PICK1: variants seen among roughly 807,000 people sequenced by gnomAD.
PICK1 encodes PRKCA-binding protein.
PICK1 carries 23 observed loss-of-function variants against 48.9 expected under a neutral mutation model. The observed-to-expected ratio is 0.47, with a 90% confidence interval of 0.34 to 0.67. PICK1 has a LOEUF of 0.67. Ranked by LOEUF, PICK1 falls within the 30% of genes least tolerant of loss-of-function variation. The pLI is 0.01. For synonymous variants in PICK1, 217 were observed against 228.2 expected (o/e 0.95, Z 0.44); for missense variants, 423 against 557.1 (o/e 0.76, Z 2.42).
chr22:38,065,932 C>T (rs1357904059), intron 4 of PICK1, among the ~76,000 whole-genome samples: 1 of 152,136 alleles, frequency 6.6e-6, no homozygotes, highest in Non-Finnish European at 1.5e-5. Flanking sequence ...CTCCCTCAGC[C>T]CCACTTCCAT....
intron 3 of PICK1, among the ~76,000 whole-genome samples, chr22:38,060,152 A>C (rs1391701623): frequency 4.6e-5 from 7 of 152,244 alleles, no homozygotes; most frequent in Non-Finnish European, 8.8e-5. Flanking sequence ...TAGAGGTTGC[A>C]GTGAGCTGAG....
At chr22:38,063,528 AAG>A (rs2085456362) in intron 3 of PICK1, among the ~76,000 whole-genome samples, 1 of 152,168 alleles carries the variant, frequency 6.6e-6, no homozygotes, top group Non-Finnish European at 1.5e-5. Context: ...AAAAAGAAAA[AAG>A]AGTTTTAGGA....
intron 9 of PICK1, 76 bp downstream of exon 9, chr22:38,072,686 T>C (rs2085731140): frequency 5.7e-6 from 9 of 1,575,214 alleles, no homozygotes; most frequent in Middle Eastern, 1.7e-4. Flanking sequence ...GAGAAGGTCG[T>C]ATGCTGGAGT....
At position 38,057,480 on chromosome 22, in the gene PICK1, A is replaced by G; in HGVS notation, c.-165A>G. ...CTGGCCGGGACCCGGCTGTGGGACC[A>G]ACGCTTCCGGTGAGCGACAGAGGCA... On this transcript the variant is annotated 5_prime_UTR_variant, in exon 1 of 13. Coordinates refer to ENST00000356976, the MANE Select transcript of PICK1 (RefSeq NM_012407.4). 2.6e-6 allele frequency: 1 copy of G among 389,918 alleles called. No individual in the cohort carries two copies. Among genetic ancestry groups the G allele is most frequent in the South Asian group, 3.6e-5 (1 of 27,824 alleles). The allele number at this position is 389,918 out of a possible 1,614,324, so 24.2% of individuals were successfully genotyped here. A position where few individuals can be genotyped will look rare whatever the true frequency, so the allele number is the denominator to read the frequency against.
intron 1 of PICK1, 72 bp downstream of exon 1, chr22:38,057,659 G>C: frequency 3.3e-6 from 2 of 604,254 alleles, no homozygotes; most frequent in Non-Finnish European, 2.9e-6. Context: ...GGAGGGCACT[G>C]CTGTCCCGTA....
In PICK1 at chr22:38,057,563, G is replaced by T; in HGVS notation, c.-82G>T. Reference sequence around the variant, plus strand: ...CTCTGGGATCTGAGCCTATCGCCCTGGCCTGGAGCCCCCCTTTGTACCTAG... The same window carrying T: ...CTCTGGGATCTGAGCCTATCGCCCTTGCCTGGAGCCCCCCTTTGTACCTAG... On this transcript the variant is annotated 5_prime_UTR_variant, in exon 1 of 13. Coordinates refer to ENST00000356976, the MANE Select transcript of PICK1 (RefSeq NM_012407.4). 1.8e-6 allele frequency: 1 copy of T among 570,020 alleles called. No homozygotes were observed. The allele number at this position is 570,020 out of a possible 1,614,324, so 35.3% of individuals were successfully genotyped here.
At chr22:38,069,883 C>T (rs1406788627) in intron 6 of PICK1, among the ~76,000 whole-genome samples, 1 of 152,198 alleles carries the variant, frequency 6.6e-6, no homozygotes, top group Non-Finnish European at 1.5e-5. Flanking sequence ...GTTTTTCCCC[C>T]CAAACCTTGC....
In PICK1 at chr22:38,074,766, G is replaced by A; in HGVS notation, c.980-98G>A. 6.7e-7 allele frequency: 1 copy of A among 1,492,524 alleles called. No homozygotes were observed. The highest frequency in any genetic ancestry group is 9.1e-7 in the Non-Finnish European group (1 of 1,094,236). 92.5% of individuals were successfully genotyped at this position (1,492,524 alleles called of 1,614,324 possible). ...GGGAAGTGCCCGAGTGGGAAGCCCA[G>A]GGGAGGCGAGAGGTGGGCCGGGTGG... is the stretch of plus-strand genomic sequence containing the variant. On this transcript the variant is annotated intron_variant, in intron 12 of 12. Transcript: ENST00000356976. This position sits in a 1 kb window ranked among gnomAD's most constrained non-coding sequence, Gnocchi z 4.5.
In PICK1 at chr22:38,073,862, C is replaced by A. The variant is rs373257597; in HGVS notation, c.834+39C>A. On this transcript the variant is annotated intron_variant, in intron 11 of 12. Transcript: ENST00000356976. This position sits in a 1 kb window ranked among gnomAD's most constrained non-coding sequence, Gnocchi z 5.7. ...GGGGTGGGGGGCTTGTACTTCCCCC[C>A]ACCTGGTCTGCCAGGGATAGCAGGT... The A allele has an allele frequency of 1.6e-5, 25 of 1,599,904 alleles. No individual in the cohort carries two copies. The highest frequency in any genetic ancestry group is 6.7e-5 in the African/African-American group (5 of 74,642).
intron 4 of PICK1, among the ~76,000 whole-genome samples, chr22:38,067,041 G>T (rs899188728): frequency 6.6e-6 from 1 of 152,222 alleles, no homozygotes; most frequent in African/African-American, 2.4e-5. Context: ...GTGTTTTGGG[G>T]TGGAGGAGGG....
chr22:38,071,522 C>A (rs1402452196), intron 7 of PICK1, among the ~76,000 whole-genome samples, 160 bp from the exon 8 acceptor site: 1 of 152,200 alleles, frequency 6.6e-6, no homozygotes, highest in Non-Finnish European at 1.5e-5. Flanking sequence ...TTGGGTCGGA[C>A]TGAGCTTTTA....
In PICK1 at chr22:38,074,726, G is replaced by A. The variant is rs1461819845; in HGVS notation, c.980-138G>A. The A allele has an allele frequency of 7.5e-6, 9 of 1,200,410 alleles. No individual in the cohort carries two copies. The East Asian group carries it at 2.0e-4, about 27-fold the overall frequency. 74.4% of individuals were successfully genotyped at this position (1,200,410 alleles called of 1,614,324 possible). On this transcript the variant is annotated intron_variant, in intron 12 of 12. Transcript: ENST00000356976. The surrounding 1 kb of genome is among the most constrained non-coding windows in gnomAD (Gnocchi z 4.5). ...CGGCCCCTGCCTCCGCCCCTTGCCAGGTCATGAGGGGTCAGGGAAGTGCCC... is the reference window on the plus strand; with the variant it reads ...CGGCCCCTGCCTCCGCCCCTTGCCAAGTCATGAGGGGTCAGGGAAGTGCCC...
chr22:38,062,829 A>G (rs2145862247), intron 3 of PICK1, among the ~76,000 whole-genome samples: 1 of 152,368 alleles, frequency 6.6e-6, no homozygotes, highest in African/African-American at 2.4e-5. Flanking sequence ...CAAGGTTGAC[A>G]GTAATTCCTG....
chr22:38,062,785 G>A (rs1280538169), intron 3 of PICK1, among the ~76,000 whole-genome samples: 1 of 152,132 alleles, frequency 6.6e-6, no homozygotes, highest in Non-Finnish European at 1.5e-5. Context: ...CCTTTCAGTT[G>A]ACATTTTGGC....
At chr22:38,058,334 G>T (rs2085318911) in intron 2 of PICK1, among the ~76,000 whole-genome samples, 1 of 152,184 alleles carries the variant, frequency 6.6e-6, no homozygotes, top group South Asian at 2.1e-4. Context: ...GGTTGTTAGC[G>T]AATGTTTTTT....
At position 38,074,059 on chromosome 22, in the gene PICK1, C is replaced by A; in HGVS notation, c.834+236C>A. On this transcript the variant is annotated intron_variant, in intron 11 of 12. Coordinates refer to ENST00000356976, the MANE Select transcript of PICK1 (RefSeq NM_012407.4). The surrounding 1 kb of genome is among the most constrained non-coding windows in gnomAD (Gnocchi z 4.5). ...GGAGGGAAATCGGATTTTCTTCACT[C>A]CTATGAGGCGCTTTTAAGTGTTTGA... 2 of 632,498 alleles carry A rather than the reference C, an allele frequency of 3.2e-6. No individual in the cohort carries two copies. The highest frequency in any genetic ancestry group is 5.5e-6 in the Non-Finnish European group (2 of 363,056). 39.2% of individuals were successfully genotyped at this position (632,498 alleles called of 1,614,324 possible). A position where few individuals can be genotyped will look rare whatever the true frequency, so the allele number is the denominator to read the frequency against.
Position 38,074,347 on chromosome 22 carries a change from A to G in PICK1, c.875A>G (p.Tyr292Cys), listed in dbSNP as rs1320421578. ...CTTTACCGGGTGAGCACCGGCAACT[A>G]TGAGTACCGCCTGATCCTGCGCTGC... The part of the protein sequence containing the change: ...EPLYRVSTGN[Y>C]EYRLILRCRQ... The change falls in exon 12 of 13, where the codon TAT (tyrosine) becomes TGT (cysteine). Residue 292 changes from tyrosine to cysteine, a missense_variant. This residue lies in a region of PICK1 where 279 missense variants were observed against 417.8 expected (regional missense o/e 0.67). Transcript: ENST00000356976. The surrounding 1 kb of genome is among the most constrained non-coding windows in gnomAD (Gnocchi z 4.5). The G allele has an allele frequency of 1.2e-6, 2 of 1,612,520 alleles. No individual in the cohort carries two copies. The highest frequency in any genetic ancestry group is 8.5e-7 in the Non-Finnish European group (1 of 1,179,866).
At chr22:38,068,458 C>T (rs925304792) in intron 5 of PICK1, among the ~76,000 whole-genome samples, 1 of 152,210 alleles carries the variant, frequency 6.6e-6, no homozygotes, top group African/African-American at 2.4e-5. Flanking sequence ...CCCCTTCATA[C>T]ACCCTAGGGC....
chr22:38,072,728 AC>A, intron 9 of PICK1, 118 bp downstream of exon 9: 1 of 1,433,320 alleles, frequency 7.0e-7, no homozygotes, highest in Non-Finnish European at 9.7e-7. Context: ...TGGCTCAGTC[AC>A]CCACACAGTG....
Sources: gnomAD v4.1 joint callset for allele counts (sites outside exome capture counted in the v4.1 genomes callset) on GRCh38, gnomAD v4.1.1 for gene constraint, gnomAD v4.1.1 regional missense constraint, Gnocchi (gnomAD v3.1) non-coding constraint, MANE v1.5 for transcripts, NCBI Gene and HGNC (gene_info 2026-07-23, HGNC 2026-07-21) for gene names.